RORA: variants seen among roughly 807,000 people sequenced by gnomAD.
RORA encodes the protein RAR related orphan receptor A.
A neutral mutation model predicts 69.5 loss-of-function variants in RORA; 7 were observed. That is an observed-to-expected ratio of 0.10 (90% CI 0.06 to 0.19). RORA has a LOEUF of 0.19. Among genes scored for constraint, RORA ranks in the 10% least tolerant of loss-of-function variants. The pLI is 1.00. For missense variants in RORA, 457 were observed against 663.0 expected (o/e 0.69, Z 3.41); for synonymous variants, 261 against 240.8 (o/e 1.08, Z -0.78).
At chr15:60,516,252 T>A (rs1595894741) in intron 3 of RORA, among the ~76,000 whole-genome samples, 3 of 90,718 alleles carry the variant, frequency 3.3e-5, no homozygotes, top group African/African-American at 1.4e-4. Flanking sequence ...TATATATTTA[T>A]ATATATATAT....
chr15:60,903,084 G>A (rs1215507652), intron 1 of RORA, among the ~76,000 whole-genome samples: 2 of 152,180 alleles, frequency 1.3e-5, no homozygotes, highest in African/African-American at 4.8e-5. Flanking sequence ...TGACCTTTCT[G>A]GCTGAGTCTA....
rs569362393 is a variant in RORA at position 60,803,631 on chromosome 15, G to T, written c.167-124945C>A. On this transcript the variant is annotated intron_variant, in intron 1 of 10. Transcript: ENST00000335670. ...GGCCTAGCGTTGCTGCTAATTCCCT[G>T]TCAAATCATCTTTCTGGGCCTCAGT... 2.6e-5 allele frequency among the ~76,000 whole-genome samples: 4 copies of T among 152,314 alleles called. No homozygotes were observed. The South Asian group carries it at 6.2e-4, about 24-fold the overall frequency.
intron 1 of RORA, among the ~76,000 whole-genome samples, chr15:61,161,749 TCTC>T (rs2079497842): frequency 6.6e-6 from 1 of 152,164 alleles, no homozygotes. Context: ...GGCAATTTCT[TCTC>T]ATAGCCAATA....
intron 1 of RORA, among the ~76,000 whole-genome samples, chr15:60,724,109 T>A (rs1327031665): frequency 2.6e-5 from 4 of 152,244 alleles, no homozygotes; most frequent in African/African-American, 4.8e-5. Context: ...GATTTATTCA[T>A]GAATTTTTAT....
intron 1 of RORA, among the ~76,000 whole-genome samples, chr15:61,043,628 T>C (rs1896885788): frequency 6.6e-6 from 1 of 152,184 alleles, no homozygotes; most frequent in African/African-American, 2.4e-5. Flanking sequence ...GGTTTATGCC[T>C]GTCATACAGT....
chr15:60,680,612 T>G (rs2070629173), intron 1 of RORA, among the ~76,000 whole-genome samples: 1 of 152,200 alleles, frequency 6.6e-6, no homozygotes, highest in African/African-American at 2.4e-5. Context: ...CCCTCAGTTT[T>G]GTTTAACTGT....
intron 1 of RORA, among the ~76,000 whole-genome samples, chr15:60,780,431 A>G (rs1486903592): frequency 2.6e-5 from 4 of 152,250 alleles, no homozygotes; most frequent in African/African-American, 9.6e-5. Context: ...GTCAGAGAAC[A>G]TTCAAGAGGG....
intron 2 of RORA, chr15:60,615,149 C>T: frequency 6.2e-6 from 8 of 1,280,984 alleles, no homozygotes; most frequent in Non-Finnish European, 8.6e-6. Flanking sequence ...TCTCGTGTTT[C>T]CTCATCTTAG....
At position 60,512,506 on chromosome 15, in the gene RORA, T is replaced by A. The variant is rs562150783; in HGVS notation, c.425-885A>T. Among the ~76,000 whole-genome samples the A allele has an allele frequency of 5.1e-4, 77 of 152,260 alleles. No homozygotes were observed. The South Asian group carries it at 0.014, about 27-fold the overall frequency. ...TTCGCTATGTTGCCCTGGCTTGAGG[T>A]CTGGAACTCCAGGGCTCAAGCAATC... On this transcript the variant is annotated intron_variant, in intron 4 of 10. Coordinates refer to ENST00000335670, the MANE Select transcript of RORA (RefSeq NM_134261.3).
chr15:61,054,534 C>G (rs1489698907), intron 1 of RORA, among the ~76,000 whole-genome samples: 1 of 152,202 alleles, frequency 6.6e-6, no homozygotes, highest in Non-Finnish European at 1.5e-5. Flanking sequence ...CACTGAGGCA[C>G]AAGAAACATC....
chr15:60,962,918 T>C (rs1234712955), intron 1 of RORA, among the ~76,000 whole-genome samples: 3 of 152,156 alleles, frequency 2.0e-5, no homozygotes, highest in Admixed American at 6.5e-5. Flanking sequence ...GAAGACAACA[T>C]GGAGGTGGTA....
At position 60,732,897 on chromosome 15, in the gene RORA, T is replaced by C. The variant is rs117835992; in HGVS notation, c.167-54211A>G. On this transcript the variant is annotated intron_variant, in intron 1 of 10. Transcript: ENST00000335670. ...CCCTTCAGAGATGCAGATTCAAATA[T>C]TGCCCCATACCCCATCATAGTATTT... 7.4e-3 allele frequency among the ~76,000 whole-genome samples: 1,131 copies of C among 152,288 alleles called. 8 individuals are homozygous for C. Among genetic ancestry groups the C allele is most frequent in the Non-Finnish European group, 0.011 (757 of 68,022 alleles).
chr15:60,757,467 T>C (rs2071819748), intron 1 of RORA, among the ~76,000 whole-genome samples: 1 of 152,196 alleles, frequency 6.6e-6, no homozygotes, highest in African/African-American at 2.4e-5. Context: ...CTCAGGGCCT[T>C]TGCACTAGCT....
chr15:60,801,026 G>A (rs1437367967), intron 1 of RORA, among the ~76,000 whole-genome samples: 2 of 152,208 alleles, frequency 1.3e-5, no homozygotes, highest in African/African-American at 2.4e-5. Flanking sequence ...AAAACTAGAC[G>A]TGAAGGGACT....
At chr15:60,592,310 CCCTCCCCCTGCGCGCCCT>C in intron 2 of RORA, 2 of 1,095,940 alleles carry the variant, frequency 1.8e-6, no homozygotes, top group Non-Finnish European at 2.4e-6. Context: ...GCGCGCCCAC[CCCTCCCCCTGCGCGCCCT>C]CCTCCCCGCC....
intron 1 of RORA, among the ~76,000 whole-genome samples, chr15:61,040,157 T>C (rs62005635): frequency 1.2e-4 from 14 of 119,142 alleles, no homozygotes; most frequent in Non-Finnish European, 2.3e-4. Flanking sequence ...TATATATATA[T>C]ATATATAAAA....
intron 2 of RORA, among the ~76,000 whole-genome samples, chr15:60,651,313 A>G (rs888909433): frequency 6.6e-6 from 1 of 152,198 alleles, no homozygotes; most frequent in Non-Finnish European, 1.5e-5. Context: ...TTCCAGATGT[A>G]TCAAATCTCA....
rs1471039200 is a variant in RORA at position 60,905,697 on chromosome 15, G to C, written c.167-227011C>G. On this transcript the variant is annotated intron_variant, in intron 1 of 10. Transcript: ENST00000335670. The surrounding 1 kb of genome is among the most constrained non-coding windows in gnomAD (Gnocchi z 4.8). Reference sequence around the variant, plus strand: ...GTCAGGAAAATTAAACAGAGCACTTGTGATTGCCATTGCTTCTGTTTAAGA... The same window carrying C: ...GTCAGGAAAATTAAACAGAGCACTTCTGATTGCCATTGCTTCTGTTTAAGA... 6.6e-6 allele frequency among the ~76,000 whole-genome samples: 1 copy of C among 152,190 alleles called. No individual in the cohort carries two copies. Among genetic ancestry groups the C allele is most frequent in the Non-Finnish European group, 1.5e-5 (1 of 68,030 alleles).
chr15:60,931,778 C>G (rs1171390955), intron 1 of RORA, among the ~76,000 whole-genome samples: 3 of 152,238 alleles, frequency 2.0e-5, no homozygotes, highest in African/African-American at 7.2e-5. Context: ...TCCCTAAGCT[C>G]TTCTGCCTTA....
Sources: allele counts gnomAD v4.1 joint callset (sites outside exome capture counted in the v4.1 genomes callset), GRCh38; gene constraint gnomAD v4.1.1; non-coding constraint Gnocchi (gnomAD v3.1); transcripts MANE v1.5; gene names NCBI Gene and HGNC (gene_info 2026-07-23, HGNC 2026-07-21).